The following FREM1 variants were observed in gnomAD, a reference collection of about 807,000 sequenced individuals.
The protein encoded by FREM1 is FRAS1 related extracellular matrix 1.
In FREM1, 220 loss-of-function variants were observed where a neutral mutation model predicts 210.1. The observed-to-expected ratio is 1.05, with a 90% CI of 0.94 to 1.17. The LOEUF is 1.17. FREM1 is among the 50% of genes most tolerant of loss of function. The pLI is 0.00. For synonymous variants in FREM1, 1,189 were observed against 980.2 expected (o/e 1.21, Z -3.98); for missense variants, 3,454 against 2,675.5 (o/e 1.29, Z -6.42).
At chr9:14,854,296 T>C (rs1211915472) in intron 5 of FREM1, among the ~76,000 whole-genome samples, 1 of 152,138 alleles carries the variant, frequency 6.6e-6, no homozygotes, top group Non-Finnish European at 1.5e-5. Flanking sequence ...AAAAAGTGTA[T>C]CTATTACTAC....
intron 27 of FREM1, among the ~76,000 whole-genome samples, chr9:14,761,678 T>C (rs373491382): frequency 6.6e-6 from 1 of 152,124 alleles, no homozygotes; most frequent in Non-Finnish European, 1.5e-5. Flanking sequence ...CTGTTCTGAG[T>C]AGTGTGATGA....
intron 4 of FREM1, among the ~76,000 whole-genome samples, chr9:14,858,824 T>C (rs1337017160): frequency 2.6e-5 from 4 of 152,164 alleles, no homozygotes; most frequent in South Asian, 2.1e-4. Flanking sequence ...CTATTACTAA[T>C]AACAGCTGAC....
chr9:14,754,688 C>T (rs1843976077), intron 29 of FREM1, among the ~76,000 whole-genome samples: 1 of 152,096 alleles, frequency 6.6e-6, no homozygotes, highest in Admixed American at 6.5e-5. Context: ...AATCCCAGCA[C>T]TTTGGGAGGC....
intron 16 of FREM1, 31 bp from the exon 17 acceptor site, chr9:14,808,165 CT>C: frequency 1.4e-6 from 2 of 1,451,888 alleles, no homozygotes; most frequent in Non-Finnish European, 1.9e-6. Flanking sequence ...TGAAACCTGC[CT>C]TTTAAAAAAT....
intron 10 of FREM1, among the ~76,000 whole-genome samples, chr9:14,827,025 A>AGT (rs1822588020): frequency 6.6e-6 from 1 of 152,222 alleles, no homozygotes; most frequent in South Asian, 2.1e-4. Context: ...GTACTGAAAT[A>AGT]CCTGAAAATG....
intron 21 of FREM1, among the ~76,000 whole-genome samples, chr9:14,796,180 C>G (rs1563948047): frequency 6.6e-6 from 1 of 152,192 alleles, no homozygotes; most frequent in East Asian, 1.9e-4. Flanking sequence ...AAGGAAGGGA[C>G]TTGTTTGAGG....
At chr9:14,844,260 C>T (rs1398638374) in intron 8 of FREM1, among the ~76,000 whole-genome samples, 1 of 148,114 alleles carries the variant, frequency 6.8e-6, no homozygotes, top group East Asian at 2.0e-4. Context: ...GAGTCTCCCT[C>T]TGTCGCCCAG....
At chr9:14,869,513 G>C (rs1832194888) in intron 1 of FREM1, among the ~76,000 whole-genome samples, 1 of 152,206 alleles carries the variant, frequency 6.6e-6, no homozygotes, top group African/African-American at 2.4e-5. Context: ...TGTGGTCCAG[G>C]AGGAAACAGC....
chr9:14,812,272 C>T (rs1474813489), intron 16 of FREM1, among the ~76,000 whole-genome samples: 1 of 152,208 alleles, frequency 6.6e-6, no homozygotes, highest in Non-Finnish European at 1.5e-5. Flanking sequence ...AATGTAACTG[C>T]AGTGCTAATA....
intron 1 of FREM1, among the ~76,000 whole-genome samples, chr9:14,887,313 G>T (rs913928369): frequency 1.3e-5 from 2 of 152,178 alleles, no homozygotes; most frequent in Non-Finnish European, 2.9e-5. Context: ...GAAGTGACTT[G>T]CCTGAGGTCC....
At position 14,898,349 on chromosome 9, in the gene FREM1, C is replaced by G. The variant is rs533903334; in HGVS notation, c.-268+11565G>C. On this transcript the variant is annotated intron_variant, in intron 1 of 36. Coordinates refer to ENST00000380880, the MANE Select transcript of FREM1 (RefSeq NM_001379081.2). Reference sequence around the variant, plus strand: ...AGCCAAAGTTAGTTCCCTTCCTGCCCCTTTCTATTCCAGATCTATTGAAGA... The same window carrying G: ...AGCCAAAGTTAGTTCCCTTCCTGCCGCTTTCTATTCCAGATCTATTGAAGA... Among the ~76,000 whole-genome samples, 138 of 152,258 alleles carry G rather than the reference C, an allele frequency of 9.1e-4. 1 individual carries two copies. The highest frequency in any genetic ancestry group is 3.3e-3 in the African/African-American group (136 of 41,532).
chr9:14,847,911 C>T (rs1395652894), intron 7 of FREM1, among the ~76,000 whole-genome samples: 3 of 152,122 alleles, frequency 2.0e-5, no homozygotes, highest in Non-Finnish European at 4.4e-5. Flanking sequence ...GGATGTATAG[C>T]CAGAATTATA....
In FREM1 at chr9:14,861,218, TACACATATATACACATATATAC is replaced by T. The variant is rs1564107195; in HGVS notation, c.330-1756_330-1735del. 3.7e-4 allele frequency among the ~76,000 whole-genome samples: 34 copies of T among 91,040 alleles called. 2 individuals carry two copies. Among genetic ancestry groups the T allele is most frequent in the East Asian group, 2.6e-3 (5 of 1,898 alleles). The allele number at this position is 91,040 out of a possible 152,430, so 59.7% of individuals were successfully genotyped here. A position where few individuals can be genotyped will look rare whatever the true frequency, so the allele number is the denominator to read the frequency against. ...ACATATATACACACATATACATATATACACATATATACACATATATACACACATATATACATATATACACATA... is the reference window on the plus strand; with the variant it reads ...ACATATATACACACATATACATATATACACATATATACATATATACACATA... On this transcript the variant is annotated intron_variant, in intron 3 of 36. Coordinates refer to ENST00000380880, the MANE Select transcript of FREM1 (RefSeq NM_001379081.2).
At chr9:14,746,622 T>C (rs1374410290) in intron 34 of FREM1, among the ~76,000 whole-genome samples, 154 bp from the exon 35 acceptor site, 1 of 152,208 alleles carries the variant, frequency 6.6e-6, no homozygotes, top group Non-Finnish European at 1.5e-5. Flanking sequence ...TCTTGAGAAA[T>C]ACAATGGCTT....
intron 3 of FREM1, among the ~76,000 whole-genome samples, chr9:14,862,812 G>A (rs1345467719): frequency 1.3e-5 from 2 of 152,012 alleles, no homozygotes; most frequent in Non-Finnish European, 2.9e-5. Context: ...CTTTATCAGT[G>A]CTTCGTTGTT....
At chr9:14,804,340 C>G (rs1450903933) in intron 19 of FREM1, among the ~76,000 whole-genome samples, 1 of 152,212 alleles carries the variant, frequency 6.6e-6, no homozygotes, top group Non-Finnish European at 1.5e-5. Flanking sequence ...AATCCCAGCA[C>G]TTTGGAAGGC....
chr9:14,777,169 G>A (rs974091891), intron 24 of FREM1, among the ~76,000 whole-genome samples: 3 of 152,196 alleles, frequency 2.0e-5, no homozygotes, highest in African/African-American at 7.2e-5. Flanking sequence ...ACACATTTGA[G>A]ACAAGCAAAA....
At chr9:14,809,976 A>G (rs1254082709) in intron 16 of FREM1, among the ~76,000 whole-genome samples, 1 of 152,236 alleles carries the variant, frequency 6.6e-6, no homozygotes, top group Admixed American at 6.6e-5. Context: ...TGGCAATTTT[A>G]TGTATTCCGG....
rs140668131 is a variant in FREM1, at chr9:14,857,879, C to G, written c.632-130G>C. The stretch of plus-strand genomic sequence containing the variant: ...CAGGAACACTCATGTACCTTCCAAT[C>G]ATTCACTGAGTGGGTTGTCATTATT... On this transcript the variant is annotated intron_variant, in intron 4 of 36. Transcript: ENST00000380880. The G allele has an allele frequency of 5.6e-5, 31 of 549,634 alleles. No individual in the cohort carries two copies. In the Middle Eastern group the frequency reaches 2.3e-3, roughly 40 times the overall value. 34.0% of individuals were successfully genotyped at this position (549,634 alleles called of 1,614,324 possible). A position where few individuals can be genotyped will look rare whatever the true frequency, so the allele number is the denominator to read the frequency against.
Sources: allele counts gnomAD v4.1 joint callset (sites outside exome capture counted in the v4.1 genomes callset), GRCh38; gene constraint gnomAD v4.1.1; transcripts MANE v1.5; gene names NCBI Gene and HGNC (gene_info 2026-07-23, HGNC 2026-07-21).